DLC1: variants seen among roughly 807,000 people sequenced by gnomAD.
DLC1 encodes rho GTPase-activating protein 7.
A neutral mutation model predicts 140.3 loss-of-function variants in DLC1; 54 were observed. The ratio of observed to expected loss-of-function variants is 0.38; its 90% CI spans 0.31 to 0.48. The LOEUF (loss-of-function observed/expected upper bound fraction) is 0.48, where lower values mean the gene tolerates loss of function less well. DLC1 is among the 20% of genes least tolerant of loss of function. The pLI is 0.96. For missense variants in DLC1, 2,536 were observed against 1,907.0 expected, an observed-to-expected ratio of 1.33 and a Z score of -6.14; for synonymous variants, 986 against 728.1, an observed-to-expected ratio of 1.35 and a Z score of -5.70.
intron 4 of DLC1, among the ~76,000 whole-genome samples, chr8:13,369,825 C>G (rs1381044604): frequency 6.6e-6 from 1 of 151,614 alleles, no homozygotes; most frequent in South Asian, 2.1e-4. Context: ...CCACTTGAAC[C>G]CCAAGTCGGC....
At position 13,083,638 on chromosome 8, in the gene DLC1, G is replaced by A. The variant is rs1188075013; in HGVS notation, c.*2173C>T. On this transcript the variant is annotated 3_prime_UTR_variant, in exon 18 of 18. Transcript: ENST00000276297. Reference sequence around the variant, plus strand: ...CTGGTGACCCTGACTCTGCTTGCAAGCATCTTTCTGCTGTTGCACGTTGTC... The same window carrying A: ...CTGGTGACCCTGACTCTGCTTGCAAACATCTTTCTGCTGTTGCACGTTGTC... The A allele has an allele frequency of 1.3e-5, 2 of 152,654 alleles. No individual in the cohort carries two copies. Among genetic ancestry groups the A allele is most frequent in the Non-Finnish European group, 2.9e-5 (2 of 68,046 alleles). The allele number at this position is 152,654 out of a possible 1,614,324, so 9.5% of individuals were successfully genotyped here.
At chr8:13,272,657 C>G (rs185502723) in intron 5 of DLC1, among the ~76,000 whole-genome samples, 1 of 151,866 alleles carries the variant, frequency 6.6e-6, no homozygotes, top group Non-Finnish European at 1.5e-5. Flanking sequence ...GTCAAGAGAT[C>G]GAGACCATCC....
intron 5 of DLC1, among the ~76,000 whole-genome samples, chr8:13,128,440 C>T (rs1563653190): frequency 6.6e-6 from 1 of 152,128 alleles, no homozygotes; most frequent in Non-Finnish European, 1.5e-5. Flanking sequence ...CAGCTGCCTA[C>T]CTACGCACAC....
chr8:13,254,336 G>A (rs1263864130), intron 5 of DLC1, among the ~76,000 whole-genome samples: 1 of 152,142 alleles, frequency 6.6e-6, no homozygotes, highest in Non-Finnish European at 1.5e-5. Flanking sequence ...CTCAGGGGCC[G>A]GCTGCCTTTC....
At chr8:13,548,064 CCT>C (rs1365118564) in intron 1 of DLC1, among the ~76,000 whole-genome samples, 23 of 151,954 alleles carry the variant, frequency 1.5e-4, no homozygotes, top group African/African-American at 5.5e-4. Context: ...CTTTTCAAAC[CCT>C]GAGTTATTTG....
chr8:13,289,763 C>A (rs1164711214), intron 5 of DLC1, among the ~76,000 whole-genome samples: 1 of 152,156 alleles, frequency 6.6e-6, no homozygotes, highest in African/African-American at 2.4e-5. Flanking sequence ...GAACCTTGTT[C>A]CAATAAACAT....
At chr8:13,594,311 C>G (rs1172035423) in intron 1 of DLC1, among the ~76,000 whole-genome samples, 1 of 152,222 alleles carries the variant, frequency 6.6e-6, no homozygotes, top group Non-Finnish European at 1.5e-5. Flanking sequence ...GAGACACTGA[C>G]AGACCTTTCA....
At chr8:13,109,721 T>C (rs771314965) in intron 7 of DLC1, among the ~76,000 whole-genome samples, 29 of 151,852 alleles carry the variant, frequency 1.9e-4, no homozygotes, top group Admixed American at 5.9e-4. Flanking sequence ...CAGTCTCTAC[T>C]GAAAATACAC....
At chr8:13,133,357 G>T (rs536700206) in intron 5 of DLC1, 1 of 1,079,810 alleles carries the variant, frequency 9.3e-7, no homozygotes, top group Non-Finnish European at 1.1e-6. Flanking sequence ...GGGCCAGAGC[G>T]GGCGGCACCG....
intron 1 of DLC1, among the ~76,000 whole-genome samples, chr8:13,536,612 A>G (rs1803295676): frequency 6.6e-6 from 1 of 152,152 alleles, no homozygotes. Context: ...CAGGGTGTTC[A>G]TGAGTTACAG....
At chr8:13,348,222 C>T (rs10093527) in intron 4 of DLC1, among the ~76,000 whole-genome samples, 1 of 152,116 alleles carries the variant, frequency 6.6e-6, no homozygotes, top group East Asian at 1.9e-4. Flanking sequence ...AGGTGGGATA[C>T]AGCCTGGCTT....
intron 5 of DLC1, chr8:13,214,440 G>A (rs1828094129): frequency 5.4e-6 from 3 of 555,894 alleles, no homozygotes; most frequent in Non-Finnish European, 6.4e-6. Flanking sequence ...GCTTTGCACT[G>A]TCAAACATGA....
chr8:13,332,254 A>C (rs1833622203), intron 4 of DLC1, among the ~76,000 whole-genome samples: 1 of 152,320 alleles, frequency 6.6e-6, no homozygotes, highest in Non-Finnish European at 1.5e-5. Flanking sequence ...AACACAATGC[A>C]ATCTTTTTAT....
At chr8:13,150,057 C>T (rs773936993) in intron 5 of DLC1, among the ~76,000 whole-genome samples, 45 of 152,266 alleles carry the variant, frequency 3.0e-4, no homozygotes, top group Non-Finnish European at 1.3e-4. Flanking sequence ...CCCATAAAAC[C>T]GACACCACTT....
chr8:13,514,206 T>A (rs187241110), intron 1 of DLC1, among the ~76,000 whole-genome samples: 6 of 152,256 alleles, frequency 3.9e-5, no homozygotes, highest in Admixed American at 3.3e-4. Flanking sequence ...CTTTCTACTC[T>A]CCCTGTTGGC....
chr8:13,232,304 C>A (rs1829084532), intron 5 of DLC1, among the ~76,000 whole-genome samples: 1 of 152,064 alleles, frequency 6.6e-6, no homozygotes, highest in Non-Finnish European at 1.5e-5. Flanking sequence ...AGCATTTTGA[C>A]TTCCTTGCCA....
At chr8:13,498,275 A>T (rs1801607856) in intron 2 of DLC1, among the ~76,000 whole-genome samples, 1 of 152,160 alleles carries the variant, frequency 6.6e-6, no homozygotes, top group Non-Finnish European at 1.5e-5. Context: ...AATTCTATAG[A>T]AAAGACAGGT....
chr8:13,126,091 G>A (rs968048339), intron 5 of DLC1, among the ~76,000 whole-genome samples: 1 of 152,018 alleles, frequency 6.6e-6, no homozygotes, highest in Non-Finnish European at 1.5e-5. Context: ...CTCTTCCCTG[G>A]CAAAGGCAAC....
chr8:13,324,235 T>C (rs1188719703), intron 4 of DLC1, among the ~76,000 whole-genome samples: 2 of 152,222 alleles, frequency 1.3e-5, no homozygotes, highest in Non-Finnish European at 1.5e-5. Context: ...TAGTAGTTTA[T>C]ATTATTGAGG....
Sources: allele counts gnomAD v4.1 joint callset (sites outside exome capture counted in the v4.1 genomes callset), GRCh38; gene constraint gnomAD v4.1.1; transcripts MANE v1.5; gene names NCBI Gene and HGNC (gene_info 2026-07-23, HGNC 2026-07-21).